The following MPPED2 variants were observed in gnomAD, a reference collection of about 807,000 sequenced individuals.
MPPED2 encodes the protein metallophosphoesterase domain containing 2.
MPPED2 carries 5 observed loss-of-function variants against 33.0 expected under a neutral mutation model. The ratio of observed to expected loss-of-function variants is 0.15; its 90% confidence interval spans 0.08 to 0.32. The LOEUF is 0.32. Among genes scored for constraint, MPPED2 ranks in the 10% least tolerant of loss-of-function variants. The pLI is 1.00. For missense variants in MPPED2, 275 were observed against 372.1 expected (o/e 0.74, Z 2.15); for synonymous variants, 136 against 141.9 (o/e 0.96, Z 0.29).
upstream of MPPED2, among the ~76,000 whole-genome samples, chr11:30,586,568 G>T (rs1957476905): frequency 6.6e-6 from 1 of 152,136 alleles, no homozygotes; most frequent in Non-Finnish European, 1.5e-5. The surrounding 1 kb of genome is among the most constrained non-coding windows in gnomAD (Gnocchi z 4.8). Context: ...TGGTGCTCCC[G>T]GGTCAAGCAG....
chr11:30,385,927 T>C (rs573211991), exon 7 of MPPED2: 1 of 152,214 alleles, frequency 6.6e-6, no homozygotes, highest in African/African-American at 2.4e-5. Context: ...ATTTTCTTCA[T>C]AGGGTTTATC....
intron 2 of MPPED2, among the ~76,000 whole-genome samples, chr11:30,543,243 T>C (rs1184509109): frequency 6.6e-6 from 1 of 152,236 alleles, no homozygotes; most frequent in Non-Finnish European, 1.5e-5. Flanking sequence ...TGGATTTTGC[T>C]TCCACATACA....
chr11:30,445,090 C>T (rs550340909), intron 4 of MPPED2, among the ~76,000 whole-genome samples: 40 of 152,286 alleles, frequency 2.6e-4, no homozygotes, highest in Admixed American at 4.6e-4. Flanking sequence ...CCCCTGACAA[C>T]ACCTAGTCTA....
chr11:30,453,210 T>A (rs1031956278), intron 4 of MPPED2, among the ~76,000 whole-genome samples: 102 of 152,142 alleles, frequency 6.7e-4, no homozygotes, highest in Non-Finnish European at 1.5e-4. Context: ...GGTTCAAGCC[T>A]AAAGGGATAC....
In MPPED2 at chr11:30,410,903, T is replaced by C; in HGVS notation, c.*565A>G. 1.0e-6 allele frequency: 1 copy of C among 985,764 alleles called. No homozygotes were observed. The allele number at this position is 985,764 out of a possible 1,614,324, so 61.1% of individuals were successfully genotyped here. ...TAAACCATCCTTTAAATGACAGCCA[T>C]TTTCTTCTCAATGCAGCTTTCTTTA... On this transcript the variant is annotated 3_prime_UTR_variant, in exon 7 of 7. Coordinates refer to ENST00000358117, the MANE Select transcript of MPPED2 (RefSeq NM_001584.3).
intron 6 of MPPED2, among the ~76,000 whole-genome samples, chr11:30,412,502 A>G (rs1948152941): frequency 6.6e-6 from 1 of 152,174 alleles, no homozygotes; most frequent in Non-Finnish European, 1.5e-5. Flanking sequence ...TAAAATTACC[A>G]AGATATAGAG....
intron 3 of MPPED2, among the ~76,000 whole-genome samples, chr11:30,531,390 A>G (rs567395507): frequency 2.2e-4 from 34 of 152,276 alleles, no homozygotes; most frequent in African/African-American, 8.2e-4. Context: ...GAGATGGAAA[A>G]CAGGGGCTCT....
At chr11:30,462,478 G>T (rs1323773659) in intron 4 of MPPED2, among the ~76,000 whole-genome samples, 1 of 152,130 alleles carries the variant, frequency 6.6e-6, no homozygotes, top group Non-Finnish European at 1.5e-5. Context: ...AAGATACCAA[G>T]AGTCTTTTAA....
intron 3 of MPPED2, among the ~76,000 whole-genome samples, chr11:30,535,563 T>C (rs1179991366): frequency 6.6e-6 from 1 of 152,226 alleles, no homozygotes; most frequent in African/African-American, 2.4e-5. Context: ...TTGTTTCATA[T>C]AAGGACTTTT....
At chr11:30,534,717 A>G (rs1954718918) in intron 3 of MPPED2, among the ~76,000 whole-genome samples, 1 of 152,228 alleles carries the variant, frequency 6.6e-6, no homozygotes, top group African/African-American at 2.4e-5. Flanking sequence ...GACTTAGCAA[A>G]TTAAGTATAG....
chr11:30,440,964 G>A (rs768909916), intron 4 of MPPED2, among the ~76,000 whole-genome samples: 60 of 152,320 alleles, frequency 3.9e-4, no homozygotes, highest in Middle Eastern at 3.4e-3. Context: ...CTGAGTTAAA[G>A]AGGTGTCTTT....
At chr11:30,530,062 A>T (rs11031124) in intron 3 of MPPED2, among the ~76,000 whole-genome samples, 2,485 of 152,314 alleles carry the variant, frequency 0.016, 73 homozygotes, top group African/African-American at 0.057. Flanking sequence ...CTGGATTGTT[A>T]TACGTAAACT....
At chr11:30,418,742 G>C (rs1225836025) in intron 4 of MPPED2, among the ~76,000 whole-genome samples, 1 of 152,188 alleles carries the variant, frequency 6.6e-6, no homozygotes, top group Non-Finnish European at 1.5e-5. Context: ...CCCTAACCTT[G>C]TCAATCACAG....
intron 1 of MPPED2, among the ~76,000 whole-genome samples, chr11:30,582,493 C>T (rs190905875): frequency 2.4e-4 from 36 of 152,088 alleles, no homozygotes; most frequent in African/African-American, 8.5e-4. Context: ...ATGTCTAGAC[C>T]GCTGTGACCT....
At chr11:30,435,343 C>T (rs1949276265) in intron 4 of MPPED2, among the ~76,000 whole-genome samples, 1 of 152,176 alleles carries the variant, frequency 6.6e-6, no homozygotes, top group Non-Finnish European at 1.5e-5. Flanking sequence ...TTTTAACAAG[C>T]ACACTATCAA....
chr11:30,556,105 T>C (rs1955951984), intron 2 of MPPED2, among the ~76,000 whole-genome samples: 1 of 152,216 alleles, frequency 6.6e-6, no homozygotes, highest in Admixed American at 6.5e-5. Flanking sequence ...TCTCCTGCAT[T>C]ATCATCAATC....
chr11:30,551,538 T>C (rs1955714852), intron 2 of MPPED2, among the ~76,000 whole-genome samples: 1 of 152,234 alleles, frequency 6.6e-6, no homozygotes, highest in Non-Finnish European at 1.5e-5. Flanking sequence ...GAATTCTAGT[T>C]TGGTCCATTT....
At chr11:30,449,512 C>T (rs866340238) in intron 4 of MPPED2, among the ~76,000 whole-genome samples, 22 of 147,608 alleles carry the variant, frequency 1.5e-4, no homozygotes, top group African/African-American at 5.4e-4. Context: ...GGTGTGGTGG[C>T]GTGCGCCTGA....
intron 6 of MPPED2, among the ~76,000 whole-genome samples, chr11:30,390,979 G>T (rs900792935): frequency 1.3e-5 from 2 of 152,180 alleles, no homozygotes; most frequent in African/African-American, 4.8e-5. Context: ...CAGATTCAAA[G>T]GTGTGGAGAA....
Sources: gnomAD v4.1 joint callset for allele counts (sites outside exome capture counted in the v4.1 genomes callset) on GRCh38, gnomAD v4.1.1 for gene constraint, Gnocchi (gnomAD v3.1) non-coding constraint, MANE v1.5 for transcripts, NCBI Gene and HGNC (gene_info 2026-07-23, HGNC 2026-07-21) for gene names.